Variants in SYNJ1 observed in about 807,000 individuals in gnomAD.
SYNJ1 encodes the protein synaptojanin 1.
SYNJ1 carries 78 observed loss-of-function variants against 168.2 expected under a neutral mutation model. The ratio of observed to expected loss-of-function variants is 0.46; its 90% confidence interval spans 0.39 to 0.56. The LOEUF is 0.56. Among genes scored for constraint, SYNJ1 ranks in the 20% least tolerant of loss-of-function variants. The pLI is 0.00. For synonymous variants in SYNJ1, 539 were observed against 548.6 expected, an observed-to-expected ratio of 0.98 and a Z score of 0.24; for missense variants, 1,303 against 1,597.6, an observed-to-expected ratio of 0.82 and a Z score of 3.14.
At chr21:32,640,184 C>CA (rs1304253715) in intron 29 of SYNJ1, among the ~76,000 whole-genome samples, 1 of 152,036 alleles carries the variant, frequency 6.6e-6, no homozygotes, top group Non-Finnish European at 1.5e-5. Flanking sequence ...TAACCATGTG[C>CA]AATGCTGTCT....
intron 9 of SYNJ1, among the ~76,000 whole-genome samples, chr21:32,684,522 T>C (rs778071162): frequency 3.9e-5 from 6 of 152,198 alleles, no homozygotes; most frequent in Non-Finnish European, 7.3e-5. Flanking sequence ...AAAATACAAA[T>C]TGAAAAATTA....
Position 32,676,064 on chromosome 21 carries a change from A to G in SYNJ1, c.1534+268T>C, listed in dbSNP as rs562823202. ...TCAATGAAATGTAAAAGTGAAATTA[A>G]AACTAGCTGAATTATCTTTAACTGG... On this transcript the variant is annotated intron_variant, in intron 13 of 32. Coordinates refer to ENST00000674351, the MANE Select transcript of SYNJ1 (RefSeq NM_203446.3). Among the ~76,000 whole-genome samples, 4 of 152,344 alleles carry G rather than the reference A, an allele frequency of 2.6e-5. No individual in the cohort carries two copies. In the South Asian group the frequency reaches 8.3e-4, roughly 32 times the overall value.
At chr21:32,679,983 T>G (rs2041559342) in intron 11 of SYNJ1, among the ~76,000 whole-genome samples, 1 of 152,176 alleles carries the variant, frequency 6.6e-6, no homozygotes, top group East Asian at 1.9e-4. Context: ...ATATGTAACC[T>G]CTGTACATAT....
At chr21:32,727,794 C>A in intron 1 of SYNJ1, 152 bp downstream of exon 1, 2 of 1,437,874 alleles carry the variant, frequency 1.4e-6, no homozygotes, top group Admixed American at 2.4e-5. Flanking sequence ...CTCACAACCC[C>A]GCCCGTCCTC....
intron 22 of SYNJ1, among the ~76,000 whole-genome samples, chr21:32,651,933 C>T (rs193073524): frequency 2.0e-5 from 3 of 152,228 alleles, no homozygotes; most frequent in Admixed American, 6.5e-5. Context: ...CTTTATAACA[C>T]GGTTTCAATT....
rs1029287868 is a variant in SYNJ1, at chr21:32,668,046, T to C, written c.1812-1473A>G. On this transcript the variant is annotated intron_variant, in intron 15 of 32. Coordinates refer to ENST00000674351, the MANE Select transcript of SYNJ1 (RefSeq NM_203446.3). The stretch of plus-strand genomic sequence containing the variant: ...GTGTGTGTGTGTGTGTGTGTGTGTG[T>C]GTGCATGTGTGTATATATATATACA... Among the ~76,000 whole-genome samples the C allele has an allele frequency of 4.9e-5, 7 of 141,670 alleles. No homozygotes were observed. The South Asian group carries it at 1.6e-3, about 33-fold the overall frequency. The allele number at this position is 141,670 out of a possible 152,430, so 92.9% of individuals were successfully genotyped here.
In SYNJ1 at chr21:32,641,876, C is replaced by T. The variant is rs1001527639; in HGVS notation, c.3588+20G>A. 69 of 1,589,462 alleles carry T rather than the reference C, an allele frequency of 4.3e-5. 1 individual carries two copies. The highest frequency in any genetic ancestry group is 1.6e-4 in the Admixed American group (9 of 57,950). ...GACTTAGAACCGAGACCCCTTGGCC[C>T]CAGGCGAGGTTTTACCTACCGGTCT... On this transcript the variant is annotated intron_variant, in intron 29 of 32. Coordinates refer to ENST00000674351, the MANE Select transcript of SYNJ1 (RefSeq NM_203446.3).
Position 32,643,412 on chromosome 21 carries a change from T to A in SYNJ1, c.3476A>T (p.Glu1159Val), listed in dbSNP as rs2039931880. ...PSPGVARREM[E>V]APKSPGTTRK... ...CTATAATGCAAGAGTCTTGTTACCT[T>A]CCATCTCTCTCCTAGCTACCCCAGG... The change falls in exon 27 of 33, where the codon GAA (glutamate) becomes GTA (valine). Residue 1159 changes from glutamate (E) to valine (V), a missense_variant and splice_region_variant. Glu to Val is a moderately radical substitution (Grantham distance 121). Coordinates refer to ENST00000674351, the MANE Select transcript of SYNJ1 (RefSeq NM_203446.3). 6.2e-7 allele frequency: 1 copy of A among 1,613,666 alleles called. No homozygotes were observed. The highest frequency in any genetic ancestry group is 8.5e-7 in the Non-Finnish European group (1 of 1,179,772).
At chr21:32,666,698 T>A in intron 15 of SYNJ1, 125 bp from the exon 16 acceptor site, 1 of 1,000,430 alleles carries the variant, frequency 1.0e-6, no homozygotes, top group Non-Finnish European at 1.3e-6. Flanking sequence ...GCTTAGGCTG[T>A]TTTTGTTTCC....
chr21:32,662,766 C>T (rs1358389494), intron 18 of SYNJ1, among the ~76,000 whole-genome samples: 3 of 152,044 alleles, frequency 2.0e-5, no homozygotes, highest in African/African-American at 7.2e-5. Flanking sequence ...TCATTTGGGC[C>T]ACTTGGATAA....
intron 18 of SYNJ1, among the ~76,000 whole-genome samples, chr21:32,658,089 T>C (rs2040530571): frequency 6.6e-6 from 1 of 152,160 alleles, no homozygotes; most frequent in Admixed American, 6.5e-5. Flanking sequence ...ACAGGGAAAT[T>C]CTGGGCAGAA....
At chr21:32,688,851 C>G (rs915524952) in intron 6 of SYNJ1, among the ~76,000 whole-genome samples, 8 of 152,164 alleles carry the variant, frequency 5.3e-5, no homozygotes, top group African/African-American at 1.7e-4. Flanking sequence ...AAGCTGCCTA[C>G]CAATACAAAT....
At chr21:32,722,767 A>C (rs141468257) in intron 2 of SYNJ1, among the ~76,000 whole-genome samples, 307 of 152,286 alleles carry the variant, frequency 2.0e-3, no homozygotes, top group African/African-American at 7.1e-3. Flanking sequence ...CGGCATCCAG[A>C]CACAGAACCT....
At chr21:32,714,704 G>A (rs1056157933) in intron 2 of SYNJ1, among the ~76,000 whole-genome samples, 11 of 152,110 alleles carry the variant, frequency 7.2e-5, no homozygotes, top group Admixed American at 3.3e-4. Context: ...CCATCAATAC[G>A]GTACCTATTC....
chr21:32,634,062 T>C (rs1185739661), intron 32 of SYNJ1, among the ~76,000 whole-genome samples: 1 of 152,212 alleles, frequency 6.6e-6, no homozygotes, highest in African/African-American at 2.4e-5. Flanking sequence ...CTATGGCAGA[T>C]AGAATCGTCT....
chr21:32,654,375 T>G (rs1447745263), intron 21 of SYNJ1, among the ~76,000 whole-genome samples: 2 of 152,244 alleles, frequency 1.3e-5, no homozygotes, highest in Non-Finnish European at 2.9e-5. Context: ...ACTCAATTTC[T>G]TTGGCATAAA....
At chr21:32,709,157 C>T (rs576131917) in intron 2 of SYNJ1, among the ~76,000 whole-genome samples, 52 of 152,240 alleles carry the variant, frequency 3.4e-4, no homozygotes, top group African/African-American at 1.1e-3. Context: ...GGATCCAACA[C>T]GCTTTTAGAC....
intron 18 of SYNJ1, among the ~76,000 whole-genome samples, chr21:32,661,474 G>A (rs117245061): frequency 0.057 from 8,637 of 152,188 alleles, 323 homozygotes; most frequent in Non-Finnish European, 0.065. Context: ...AAAGGCCTAC[G>A]AAGTAACCCG....
At chr21:32,694,058 A>C (rs746640396) in intron 6 of SYNJ1, among the ~76,000 whole-genome samples, 170 bp downstream of exon 6, 1 of 152,234 alleles carries the variant, frequency 6.6e-6, no homozygotes, top group African/African-American at 2.4e-5. Context: ...AAAATATCTA[A>C]GATAATTCCA....
Sources: gnomAD v4.1 joint callset for allele counts (sites outside exome capture counted in the v4.1 genomes callset) on GRCh38, gnomAD v4.1.1 for gene constraint, MANE v1.5 for transcripts, NCBI Gene and HGNC (gene_info 2026-07-23, HGNC 2026-07-21) for gene names.